Variants in PTPRD observed in about 807,000 individuals in gnomAD.
The protein encoded by PTPRD is receptor-type tyrosine-protein phosphatase delta.
A neutral mutation model predicts 214.5 loss-of-function variants in PTPRD; 34 were observed. The observed-to-expected ratio is 0.16, with a 90% CI of 0.12 to 0.21. The LOEUF (loss-of-function observed/expected upper bound fraction) is 0.21. Among genes scored for constraint, PTPRD ranks in the 10% least tolerant of loss-of-function variants. The pLI is 1.00. For missense variants in PTPRD, 2,545 were observed against 2,398.7 expected (o/e 1.06, Z -1.27); for synonymous variants, 1,128 against 845.7 (o/e 1.33, Z -5.79).
At chr9:8,868,524 T>C (rs2098239056) in intron 11 of PTPRD, among the ~76,000 whole-genome samples, 1 of 152,134 alleles carries the variant, frequency 6.6e-6, no homozygotes, top group Non-Finnish European at 1.5e-5. Flanking sequence ...ATTTTAAAAA[T>C]CTTCCCAGTG....
intron 11 of PTPRD, among the ~76,000 whole-genome samples, chr9:8,996,853 T>C (rs781053874): frequency 6.6e-6 from 1 of 152,070 alleles, no homozygotes; most frequent in Non-Finnish European, 1.5e-5. Context: ...TTTTGGGGGA[T>C]ATAACATTTG....
intron 8 of PTPRD, among the ~76,000 whole-genome samples, chr9:9,567,385 A>C (rs2154297366): frequency 6.6e-6 from 1 of 152,088 alleles, no homozygotes; most frequent in Non-Finnish European, 1.5e-5. Flanking sequence ...AAACTGAGGG[A>C]GAAACCCCAT....
At chr9:9,088,286 A>C (rs1313378990) in intron 10 of PTPRD, among the ~76,000 whole-genome samples, 2 of 151,664 alleles carry the variant, frequency 1.3e-5, no homozygotes, top group African/African-American at 4.8e-5. Context: ...GACAATCTTG[A>C]ACTAATAAAA....
chr9:9,299,975 T>C (rs1954641668), intron 9 of PTPRD, among the ~76,000 whole-genome samples: 1 of 149,506 alleles, frequency 6.7e-6, no homozygotes, highest in African/African-American at 2.5e-5. Context: ...TTAACTATTA[T>C]CTCGTATGCT....
intron 2 of PTPRD, among the ~76,000 whole-genome samples, chr9:10,504,445 G>A (rs2045186026): frequency 6.6e-6 from 1 of 152,092 alleles, no homozygotes; most frequent in Non-Finnish European, 1.5e-5. Context: ...AAGTAATTTT[G>A]ATTGCCACAT....
chr9:9,170,414 A>C (rs986030483), intron 10 of PTPRD, among the ~76,000 whole-genome samples: 1 of 152,194 alleles, frequency 6.6e-6, no homozygotes, highest in Admixed American at 6.6e-5. Context: ...TTAGGGAAAA[A>C]GTCCTTAAAT....
At chr9:9,354,710 A>G (rs1265205655) in intron 9 of PTPRD, among the ~76,000 whole-genome samples, 1 of 151,928 alleles carries the variant, frequency 6.6e-6, no homozygotes, top group African/African-American at 2.4e-5. Context: ...GTATCAGGGT[A>G]AGAAGGATTT....
At chr9:9,378,497 T>C (rs2061381463) in intron 9 of PTPRD, among the ~76,000 whole-genome samples, 1 of 152,120 alleles carries the variant, frequency 6.6e-6, no homozygotes, top group Non-Finnish European at 1.5e-5. Flanking sequence ...TGTGCAGGTT[T>C]TCTTTGAACA....
intron 35 of PTPRD, among the ~76,000 whole-genome samples, chr9:8,429,140 A>C (rs576463879): frequency 2.6e-5 from 4 of 152,216 alleles, no homozygotes; most frequent in Non-Finnish European, 5.9e-5. Flanking sequence ...GAAATTTTAA[A>C]TATCAATATT....
At chr9:10,261,081 G>GTA (rs57737102) in intron 3 of PTPRD, among the ~76,000 whole-genome samples, 85 of 145,626 alleles carry the variant, frequency 5.8e-4, no homozygotes, top group Middle Eastern at 3.7e-3. Context: ...ATATATGTGT[G>GTA]TATATATATA....
intron 3 of PTPRD, among the ~76,000 whole-genome samples, chr9:10,237,183 G>A (rs188985955): frequency 1.3e-5 from 2 of 151,794 alleles, no homozygotes; most frequent in East Asian, 3.9e-4. Context: ...GGTTGGTGTA[G>A]GAAGTATTGG....
At chr9:10,152,967 T>C (rs1484781195) in intron 3 of PTPRD, among the ~76,000 whole-genome samples, 1 of 152,142 alleles carries the variant, frequency 6.6e-6, no homozygotes, top group Admixed American at 6.6e-5. Context: ...ATATAAAACA[T>C]TGAACTAATT....
At chr9:9,409,844 G>C (rs1193404358) in intron 8 of PTPRD, among the ~76,000 whole-genome samples, 2 of 151,854 alleles carry the variant, frequency 1.3e-5, no homozygotes, top group African/African-American at 4.8e-5. Context: ...AATGTCTAAG[G>C]TTTCTAATAT....
chr9:8,554,785 A>G (rs2083226063), intron 14 of PTPRD, among the ~76,000 whole-genome samples: 1 of 152,208 alleles, frequency 6.6e-6, no homozygotes, highest in Non-Finnish European at 1.5e-5. Context: ...AGAGAAATAT[A>G]TGAAGCAGCA....
chr9:9,719,974 T>C (rs2097907648), intron 7 of PTPRD, among the ~76,000 whole-genome samples: 1 of 152,160 alleles, frequency 6.6e-6, no homozygotes, highest in African/African-American at 2.4e-5. Flanking sequence ...CACGCTTGAT[T>C]GTTTACACAC....
intron 2 of PTPRD, among the ~76,000 whole-genome samples, chr9:10,382,077 T>A (rs7861420): frequency 6.6e-6 from 1 of 151,586 alleles, no homozygotes. Flanking sequence ...ATGTCTGCAA[T>A]TCACTGTCAT....
In PTPRD at chr9:8,768,052, C is replaced by A. The variant is rs560657286; in HGVS notation, c.-103-34106G>T. On this transcript the variant is annotated intron_variant, in intron 11 of 45. Coordinates refer to ENST00000381196, the MANE Select transcript of PTPRD (RefSeq NM_002839.4). ...ACCAATTTCTCAAATACAGTAGGGT[C>A]TGGAAGAACAAAGACAGTTGTTACT... Among the ~76,000 whole-genome samples the A allele has an allele frequency of 1.1e-4, 17 of 152,150 alleles. 1 individual carries two copies. The highest frequency in any genetic ancestry group is 3.9e-4 in the African/African-American group (16 of 41,518).
At chr9:9,595,578 A>G (rs552418861) in intron 7 of PTPRD, among the ~76,000 whole-genome samples, 2,823 of 131,990 alleles carry the variant, frequency 0.021, 85 homozygotes, top group African/African-American at 0.074. Context: ...GTGTGTGTGT[A>G]TATACATATA....
intron 30 of PTPRD, among the ~76,000 whole-genome samples, chr9:8,481,530 T>C (rs1055269011): frequency 3.9e-5 from 6 of 152,072 alleles, no homozygotes; most frequent in African/African-American, 1.4e-4. Context: ...GTTTGGGGAG[T>C]TTTTGACCAC....
Sources: allele counts gnomAD v4.1 joint callset (sites outside exome capture counted in the v4.1 genomes callset), GRCh38; gene constraint gnomAD v4.1.1; transcripts MANE v1.5; gene names NCBI Gene and HGNC (gene_info 2026-07-23, HGNC 2026-07-21).